FGF14: variants seen among roughly 807,000 people sequenced by gnomAD.
FGF14 encodes fibroblast growth factor homologous factor 4.
FGF14 carries 5 observed loss-of-function variants against 25.5 expected under a neutral mutation model. That is an observed-to-expected ratio of 0.20 (90% CI 0.10 to 0.41). FGF14 has a LOEUF of 0.41. Ranked by LOEUF, FGF14 falls within the 10% of genes least tolerant of loss-of-function variation. The pLI is 1.00. For missense variants in FGF14, 222 were observed against 320.1 expected (o/e 0.69, Z 2.34); for synonymous variants, 138 against 118.3 (o/e 1.17, Z -1.08).
chr13:102,273,698 T>C (rs2053362470), intron 1 of FGF14, among the ~76,000 whole-genome samples: 1 of 152,128 alleles, frequency 6.6e-6, no homozygotes, highest in Non-Finnish European at 1.5e-5. Context: ...TTCCACCTCT[T>C]AAAAATCTTT....
At chr13:102,036,637 A>G (rs1448792224) in intron 1 of FGF14, among the ~76,000 whole-genome samples, 1 of 152,062 alleles carries the variant, frequency 6.6e-6, no homozygotes, top group Non-Finnish European at 1.5e-5. Context: ...ATAAGAAACT[A>G]AAGTTTGGAT....
intron 1 of FGF14, among the ~76,000 whole-genome samples, chr13:102,195,593 A>C (rs996963129): frequency 1.4e-4 from 21 of 151,826 alleles, no homozygotes; most frequent in African/African-American, 4.6e-4. Context: ...CAAACAAACA[A>C]AAAAAGACAT....
chr13:101,905,884 T>C (rs1170569895), intron 1 of FGF14, among the ~76,000 whole-genome samples: 2 of 152,134 alleles, frequency 1.3e-5, no homozygotes, highest in Non-Finnish European at 2.9e-5. Flanking sequence ...ATACTACCCC[T>C]GACCACTATG....
intron 1 of FGF14, among the ~76,000 whole-genome samples, chr13:101,981,087 A>ACACACT (rs1245729555): frequency 1.9e-5 from 2 of 105,444 alleles, no homozygotes; most frequent in Admixed American, 1.8e-4. Flanking sequence ...ACTAAAACAC[A>ACACACT]CACACACACA....
intron 1 of FGF14, among the ~76,000 whole-genome samples, chr13:102,166,668 G>A (rs1307279811): frequency 4.6e-5 from 7 of 152,078 alleles, no homozygotes; most frequent in Admixed American, 3.3e-4. Flanking sequence ...GGGAAAATAC[G>A]TGGGTTTGAT....
chr13:101,822,346 C>T (rs1005509861), intron 3 of FGF14, among the ~76,000 whole-genome samples: 2 of 151,978 alleles, frequency 1.3e-5, no homozygotes, highest in Non-Finnish European at 2.9e-5. Context: ...TTAAATTTTC[C>T]TATACTTGTA....
chr13:102,226,447 C>T (rs959226318), intron 1 of FGF14, among the ~76,000 whole-genome samples: 7 of 152,162 alleles, frequency 4.6e-5, no homozygotes, highest in African/African-American at 1.7e-4. Context: ...TGTATAATGC[C>T]TATTTCAATA....
At chr13:102,220,571 CTTAG>C (rs1458273388) in intron 1 of FGF14, among the ~76,000 whole-genome samples, 5 of 152,178 alleles carry the variant, frequency 3.3e-5, no homozygotes, top group East Asian at 1.9e-4. Flanking sequence ...CATTATTCTC[CTTAG>C]TTAGTCTTCC....
At chr13:102,205,033 C>T (rs2049844041) in intron 1 of FGF14, among the ~76,000 whole-genome samples, 1 of 152,152 alleles carries the variant, frequency 6.6e-6, no homozygotes, top group Non-Finnish European at 1.5e-5. Context: ...ATGTATTTTC[C>T]TTCTCTGCAC....
At chr13:101,950,521 C>T (rs1226794874) in intron 1 of FGF14, among the ~76,000 whole-genome samples, 1 of 152,076 alleles carries the variant, frequency 6.6e-6, no homozygotes, top group Non-Finnish European at 1.5e-5. Context: ...TGAGATGCTT[C>T]AGAAATACTC....
intron 1 of FGF14, among the ~76,000 whole-genome samples, chr13:102,259,157 C>A (rs2141107658): frequency 6.6e-6 from 1 of 152,218 alleles, no homozygotes. Flanking sequence ...TGGCTCCTGC[C>A]ACTCTCCAGA....
At chr13:102,346,879 T>C (rs1352664801) in intron 1 of FGF14, among the ~76,000 whole-genome samples, 1 of 152,158 alleles carries the variant, frequency 6.6e-6, no homozygotes, top group Admixed American at 6.5e-5. Context: ...ATGACACAGG[T>C]GCTACAATCA....
chr13:101,920,732 G>T (rs779605168), upstream of FGF14, among the ~76,000 whole-genome samples: 1 of 152,102 alleles, frequency 6.6e-6, no homozygotes, highest in Non-Finnish European at 1.5e-5. Flanking sequence ...CGAAACATAA[G>T]AAGTTATTTT....
chr13:102,011,753 T>C (rs1298659850), intron 1 of FGF14, among the ~76,000 whole-genome samples: 2 of 152,174 alleles, frequency 1.3e-5, no homozygotes, highest in Non-Finnish European at 2.9e-5. Context: ...GTGCAAAGTC[T>C]CCGGTCATCA....
chr13:102,266,013 C>G (rs1404952876), intron 1 of FGF14, among the ~76,000 whole-genome samples: 1 of 151,444 alleles, frequency 6.6e-6, no homozygotes, highest in Non-Finnish European at 1.5e-5. Flanking sequence ...CTATGACAGC[C>G]CCACAAAAAA....
chr13:102,353,071 A>G (rs1594928294), intron 1 of FGF14, among the ~76,000 whole-genome samples: 1 of 152,190 alleles, frequency 6.6e-6, no homozygotes, highest in Non-Finnish European at 1.5e-5. Flanking sequence ...TAATAATTGG[A>G]GTCCAGTGTC....
intron 1 of FGF14, among the ~76,000 whole-genome samples, chr13:102,303,800 C>T (rs569974307): frequency 6.6e-6 from 1 of 152,256 alleles, no homozygotes; most frequent in African/African-American, 2.4e-5. Context: ...CCTTAGTGTA[C>T]ATTAAACACT....
At chr13:101,854,742 T>C (rs2044034400) in intron 3 of FGF14, among the ~76,000 whole-genome samples, 1 of 152,016 alleles carries the variant, frequency 6.6e-6, no homozygotes, top group African/African-American at 2.4e-5. Context: ...CATTTTCTCC[T>C]CCCATGATAC....
chr13:102,015,046 T>C (rs2040267027), intron 1 of FGF14, among the ~76,000 whole-genome samples: 1 of 152,186 alleles, frequency 6.6e-6, no homozygotes, highest in Non-Finnish European at 1.5e-5. Flanking sequence ...TAGCTGGGAT[T>C]ACAGGCCTGT....
Sources: allele counts gnomAD v4.1 joint callset (sites outside exome capture counted in the v4.1 genomes callset), GRCh38; gene constraint gnomAD v4.1.1; transcripts MANE v1.5; gene names NCBI Gene and HGNC (gene_info 2026-07-23, HGNC 2026-07-21).